The following CEP76 variants were observed in gnomAD, a reference collection of about 807,000 sequenced individuals.
The protein encoded by CEP76 is centrosomal protein 76.
A neutral mutation model predicts 83.3 loss-of-function variants in CEP76; 55 were observed. That is an observed-to-expected ratio of 0.66 (90% CI 0.53 to 0.83). The LOEUF is 0.83. Among genes scored for constraint, CEP76 ranks in the 40% least tolerant of loss-of-function variants. The pLI is 0.00. For synonymous variants in CEP76, 270 were observed against 274.5 expected (o/e 0.98, Z 0.16); for missense variants, 694 against 799.5 (o/e 0.87, Z 1.59).
At chr18:12,669,623 G>A (rs1296286263), downstream of CEP76, among the ~76,000 whole-genome samples, 17 of 152,258 alleles carry the variant, frequency 1.1e-4, no homozygotes, top group African/African-American at 3.8e-4. Context: ...CCACCTTGGA[G>A]ACATTATGTT....
chr18:12,702,730 CCGGCGGCGG>C (rs1170610508), upstream of CEP76: 1 of 650,756 alleles, frequency 1.5e-6, no homozygotes, highest in African/African-American at 1.9e-5. Flanking sequence ...AAATGAGGCC[CCGGCGGCGG>C]CGGCGCCAAC....
At chr18:12,700,147 C>T (rs2040102795) in intron 2 of CEP76, 1 of 295,624 alleles carries the variant, frequency 3.4e-6, no homozygotes. Context: ...TAATACTATC[C>T]ACATAAAGCT....
chr18:12,674,776 G>C, intron 10 of CEP76, 23 bp from the exon 11 acceptor site: 1 of 1,474,228 alleles, frequency 6.8e-7, no homozygotes, highest in Non-Finnish European at 9.3e-7. Flanking sequence ...AAGAGAAAAA[G>C]AAAAAGTGAA....
At chr18:12,671,446 TAA>T (rs1358704902), downstream of CEP76, among the ~76,000 whole-genome samples, 2 of 151,652 alleles carry the variant, frequency 1.3e-5, no homozygotes, top group Non-Finnish European at 2.9e-5. Context: ...TTTGAAAAAA[TAA>T]AAAACTTAAA....
At chr18:12,670,479 A>G (rs2038915908), downstream of CEP76, 1 of 152,324 alleles carries the variant, frequency 6.6e-6, no homozygotes, top group South Asian at 2.1e-4. Context: ...GCACATTTGA[A>G]ATACACGTTA....
chr18:12,692,119 C>G (rs2039785480), intron 6 of CEP76: 1 of 152,084 alleles, frequency 6.6e-6, no homozygotes, highest in African/African-American at 2.4e-5. Flanking sequence ...GGTTCGAGAC[C>G]AGCCTGGCCA....
At chr18:12,664,696 A>ATTTT (rs1277697796) in intron 12 of CEP76, among the ~76,000 whole-genome samples, 3 of 146,338 alleles carry the variant, frequency 2.1e-5, no homozygotes, top group Admixed American at 6.9e-5. Flanking sequence ...ATTTGTCCTG[A>ATTTT]TCTTTTTTTT....
rs536597562 is a variant in CEP76, at chr18:12,696,102, T to C, written c.707-751A>G. Among the ~76,000 whole-genome samples the C allele has an allele frequency of 4.6e-5, 7 of 152,354 alleles. No homozygotes were observed. In the South Asian group the frequency reaches 1.2e-3, roughly 27 times the overall value. ...GCTACGATTATCATGTTAGGCCTAT[T>C]TTTGAAGACAAATTGGGTATTGTTT... is the stretch of plus-strand genomic sequence containing the variant. On this transcript the variant is annotated intron_variant, in intron 5 of 11. Coordinates refer to ENST00000262127, the MANE Select transcript of CEP76 (RefSeq NM_024899.4).
chr18:12,675,829 C>T (rs1276022416), intron 10 of CEP76, among the ~76,000 whole-genome samples: 12 of 151,864 alleles, frequency 7.9e-5, no homozygotes, highest in African/African-American at 1.7e-4. Flanking sequence ...CCACCATGCC[C>T]GGCTAATTTT....
Position 12,674,765 on chromosome 18 carries a change from CAA to C in CEP76, c.1624-14_1624-13del, listed in dbSNP as rs111953636. ...GTGAGGCCAAGATCCTATGAGCAAT[CAA>C]GAGAAAAAGAAAAAGTGAAATACAT... On this transcript the variant is annotated splice_polypyrimidine_tract_variant and intron_variant, in intron 10 of 11. Coordinates refer to ENST00000262127, the MANE Select transcript of CEP76 (RefSeq NM_024899.4). The C allele has an allele frequency of 4.6e-4, 716 of 1,558,850 alleles. 4 individuals carry two copies. The African/African-American group carries it at 9.0e-3, about 19-fold the overall frequency.
downstream of CEP76, among the ~76,000 whole-genome samples, chr18:12,668,597 C>A (rs1307724336): frequency 1.1e-4 from 8 of 72,834 alleles, no homozygotes; most frequent in Admixed American, 2.3e-4. Context: ...GATTCCATCT[C>A]AAAAAAAAAA....
chr18:12,664,698 CTTTTT>C (rs76222169), intron 12 of CEP76, among the ~76,000 whole-genome samples: 94 of 137,610 alleles, frequency 6.8e-4, no homozygotes, highest in Non-Finnish European at 1.3e-3. Context: ...TTGTCCTGAT[CTTTTT>C]TTTTTTTTTT....
intron 5 of CEP76, 101 bp from the exon 6 acceptor site, chr18:12,695,452 A>G (rs975237014): frequency 2.0e-6 from 1 of 489,806 alleles, no homozygotes; most frequent in African/African-American, 2.0e-5. Flanking sequence ...GTGTTTTATC[A>G]CTTACATGGA....
At position 12,673,286 on chromosome 18, in the gene CEP76, A is replaced by C; in HGVS notation, c.*79T>G. 1 of 1,495,626 alleles carries C rather than the reference A, an allele frequency of 6.7e-7. No homozygotes were observed. The highest frequency in any genetic ancestry group is 8.9e-7 in the Non-Finnish European group (1 of 1,128,910). 92.6% of individuals were successfully genotyped at this position (1,495,626 alleles called of 1,614,324 possible). ...GCCAGATTGTGATTTTAAAATAACA[A>C]ACCTCTAAATAGCTAAGTAATGTAC... On this transcript the variant is annotated 3_prime_UTR_variant, in exon 12 of 12. Transcript: ENST00000262127.
At chr18:12,697,441 A>G (rs1159863370) in intron 4 of CEP76, 33 bp from the exon 5 acceptor site, 4 of 1,438,282 alleles carry the variant, frequency 2.8e-6, no homozygotes, top group African/African-American at 1.4e-5. Flanking sequence ...ATTATACCAC[A>G]CTACATATTC....
At chr18:12,664,826 G>A (rs1598603188) in intron 12 of CEP76, among the ~76,000 whole-genome samples, 1 of 151,636 alleles carries the variant, frequency 6.6e-6, no homozygotes, top group East Asian at 2.0e-4. Context: ...AGCCTCCTGA[G>A]TAGCTAGGAT....
chr18:12,680,042 T>C (rs1187967610), intron 9 of CEP76, among the ~76,000 whole-genome samples: 1 of 136,280 alleles, frequency 7.3e-6, no homozygotes, highest in Non-Finnish European at 1.6e-5. Flanking sequence ...AGCAACAGAA[T>C]GAGACACTGC....
At chr18:12,670,051 C>T (rs1426224077), downstream of CEP76, among the ~76,000 whole-genome samples, 2 of 149,084 alleles carry the variant, frequency 1.3e-5, no homozygotes, top group African/African-American at 5.0e-5. Context: ...AAGAATAGGC[C>T]AGGTGCGATG....
At chr18:12,678,934 C>T (rs1487867780) in intron 9 of CEP76, 1 of 151,768 alleles carries the variant, frequency 6.6e-6, no homozygotes, top group African/African-American at 2.4e-5. Flanking sequence ...GGCGAAACTC[C>T]ATCTCCAAGA....
Sources: allele counts gnomAD v4.1 joint callset (sites outside exome capture counted in the v4.1 genomes callset), GRCh38; gene constraint gnomAD v4.1.1; transcripts MANE v1.5; gene names NCBI Gene and HGNC (gene_info 2026-07-23, HGNC 2026-07-21).